The following WWOX variants were observed in gnomAD, a reference collection of about 807,000 sequenced individuals.
The protein encoded by WWOX is WW domain containing oxidoreductase.
In WWOX, 69 loss-of-function variants were observed where a neutral mutation model predicts 46.2. The observed-to-expected ratio is 1.49, with a 90% CI of 1.23 to 1.82. The LOEUF (loss-of-function observed/expected upper bound fraction) is 1.82, where lower values mean the gene tolerates loss of function less well. Ranked by LOEUF, WWOX falls within the 40% of genes most tolerant of loss-of-function variation. The pLI is 0.00. For missense variants in WWOX, 919 were observed against 542.6 expected, an observed-to-expected ratio of 1.69 and a Z score of -6.89; for synonymous variants, 359 against 202.6, an observed-to-expected ratio of 1.77 and a Z score of -6.56.
At chr16:78,890,963 T>C (rs1405452043) in intron 8 of WWOX, 1 of 152,198 alleles carries the variant, frequency 6.6e-6, no homozygotes, top group Non-Finnish European at 1.5e-5. Flanking sequence ...TTTGAGGATA[T>C]AAAAGGAAGC....
At chr16:78,155,583 C>T (rs2034571216) in intron 4 of WWOX, among the ~76,000 whole-genome samples, 2 of 152,184 alleles carry the variant, frequency 1.3e-5, no homozygotes, top group South Asian at 4.1e-4. Context: ...TTTAAAACGT[C>T]TTTCTTTATT....
At chr16:78,565,031 T>C (rs1052927875) in intron 8 of WWOX, among the ~76,000 whole-genome samples, 5 of 151,774 alleles carry the variant, frequency 3.3e-5, no homozygotes, top group Non-Finnish European at 7.4e-5. Context: ...GAGAGAAGAG[T>C]ACAAGCAGGT....
intron 4 of WWOX, among the ~76,000 whole-genome samples, chr16:78,126,177 G>C (rs1331590280): frequency 6.6e-6 from 1 of 152,128 alleles, no homozygotes. Flanking sequence ...GTGGTTTCCA[G>C]CTTTTTAATA....
chr16:78,838,814 G>T (rs572731887), intron 8 of WWOX, among the ~76,000 whole-genome samples: 34 of 152,198 alleles, frequency 2.2e-4, no homozygotes, highest in African/African-American at 6.5e-4. Flanking sequence ...CTGTACTCCA[G>T]CCTGGGCAAC....
At chr16:78,873,926 GT>G (rs1361100844) in intron 8 of WWOX, among the ~76,000 whole-genome samples, 1 of 152,042 alleles carries the variant, frequency 6.6e-6, no homozygotes. Context: ...CTTCATTCTA[GT>G]GGCCATTGAA....
chr16:78,763,758 C>G (rs1231749297), intron 8 of WWOX, among the ~76,000 whole-genome samples: 1 of 152,166 alleles, frequency 6.6e-6, no homozygotes, highest in Admixed American at 6.5e-5. Flanking sequence ...TCTTTTCACC[C>G]ATCTCATGTT....
Position 78,736,477 on chromosome 16 carries a change from G to A in WWOX, c.1056+303725G>A, listed in dbSNP as rs1196544409. ...TCACCTTTGCTCTCTCCTGACCACC[G>A]TTGGTGTCTCAAAGTCTCACATGTG... is the stretch of plus-strand genomic sequence containing the variant. On this transcript the variant is annotated intron_variant, in intron 8 of 8. Coordinates refer to ENST00000566780, the MANE Select transcript of WWOX (RefSeq NM_016373.4). Among the ~76,000 whole-genome samples the A allele has an allele frequency of 4.6e-5, 7 of 152,290 alleles. 1 individual carries two copies. The South Asian group carries it at 6.2e-4, about 14-fold the overall frequency.
At chr16:78,793,520 G>A (rs1407451043) in intron 8 of WWOX, among the ~76,000 whole-genome samples, 1 of 152,042 alleles carries the variant, frequency 6.6e-6, no homozygotes, top group Non-Finnish European at 1.5e-5. Context: ...ATGAAATTTT[G>A]CAGGTCATTA....
intron 4 of WWOX, among the ~76,000 whole-genome samples, chr16:78,144,098 C>T (rs941971001): frequency 6.6e-6 from 1 of 151,988 alleles, no homozygotes; most frequent in Non-Finnish European, 1.5e-5. Context: ...TTCCACCTGC[C>T]CCTTGGCTCA....
intron 8 of WWOX, among the ~76,000 whole-genome samples, chr16:78,764,136 G>T (rs1026883220): frequency 3.3e-5 from 5 of 152,116 alleles, no homozygotes; most frequent in East Asian, 1.9e-4. Context: ...CACTTTTGCC[G>T]AAAAGTCACT....
At chr16:79,204,970 C>G (rs978095505) in intron 8 of WWOX, 1 of 152,180 alleles carries the variant, frequency 6.6e-6, no homozygotes, top group African/African-American at 2.4e-5. Flanking sequence ...TTGCAAGAAA[C>G]TCATGTCTTT....
intron 5 of WWOX, among the ~76,000 whole-genome samples, chr16:78,302,998 A>G (rs764254025): frequency 2.0e-5 from 3 of 152,174 alleles, no homozygotes; most frequent in Non-Finnish European, 2.9e-5. Flanking sequence ...AGGACCTGGG[A>G]GAACTCTCCA....
intron 8 of WWOX, among the ~76,000 whole-genome samples, chr16:78,504,606 T>C (rs914531880): frequency 6.6e-6 from 1 of 152,214 alleles, no homozygotes; most frequent in Non-Finnish European, 1.5e-5. Context: ...CGTAATACTA[T>C]CTTTCTTTCC....
intron 8 of WWOX, among the ~76,000 whole-genome samples, chr16:78,498,985 C>T (rs1239998802): frequency 6.6e-6 from 1 of 152,188 alleles, no homozygotes; most frequent in African/African-American, 2.4e-5. Context: ...AGGAATACTT[C>T]TGAAGGCTTT....
At chr16:79,101,156 C>T (rs994856647) in intron 8 of WWOX, 1 of 152,182 alleles carries the variant, frequency 6.6e-6, no homozygotes. Flanking sequence ...GGAGAAAAGT[C>T]TCCAGAAATT....
intron 8 of WWOX, among the ~76,000 whole-genome samples, chr16:78,562,922 A>G (rs768044988): frequency 6.6e-6 from 1 of 152,076 alleles, no homozygotes; most frequent in Admixed American, 6.5e-5. Context: ...CATAAAGAGA[A>G]CTTGAGCAAA....
intron 8 of WWOX, among the ~76,000 whole-genome samples, chr16:78,539,872 ACTC>A (rs1567630874): frequency 6.6e-5 from 10 of 152,178 alleles, no homozygotes; most frequent in African/African-American, 2.4e-4. Context: ...TGGGAAATTT[ACTC>A]TCTCTTCATA....
intron 5 of WWOX, among the ~76,000 whole-genome samples, chr16:78,369,046 A>G (rs559155536): frequency 6.8e-6 from 1 of 146,642 alleles, no homozygotes; most frequent in African/African-American, 2.5e-5. Flanking sequence ...TCCTTCCTCT[A>G]TCCTTTTTCT....
chr16:79,092,653 A>C (rs4888924), intron 8 of WWOX, among the ~76,000 whole-genome samples: 1 of 152,058 alleles, frequency 6.6e-6, no homozygotes, highest in African/African-American at 2.4e-5. Context: ...GTCGTTGGCG[A>C]GGAGTGAATT....
Sources: allele counts gnomAD v4.1 joint callset (sites outside exome capture counted in the v4.1 genomes callset), GRCh38; gene constraint gnomAD v4.1.1; transcripts MANE v1.5; gene names NCBI Gene and HGNC (gene_info 2026-07-23, HGNC 2026-07-21).